Variants in ITPR2 observed in about 807,000 individuals in gnomAD.
ITPR2 encodes the protein inositol 1,4,5-trisphosphate receptor type 2, also known as inositol 1,4,5-trisphosphate-gated calcium channel ITPR2.
A neutral mutation model predicts 317.1 loss-of-function variants in ITPR2; 207 were observed. The observed-to-expected ratio is 0.65, with a 90% CI of 0.58 to 0.73. The LOEUF is 0.73. Among genes scored for constraint, ITPR2 ranks in the 30% least tolerant of loss-of-function variants. ITPR2 has a pLI of 0.00. For synonymous variants in ITPR2, 1,156 were observed against 1,149.1 expected (o/e 1.01, Z -0.12); for missense variants, 2,613 against 3,284.0 (o/e 0.80, Z 4.99).
intron 45 of ITPR2, among the ~76,000 whole-genome samples, chr12:26,457,352 C>T (rs1444766360): frequency 6.6e-6 from 1 of 152,012 alleles, no homozygotes; most frequent in African/African-American, 2.4e-5. Flanking sequence ...TAAGTAAAGA[C>T]GAAAGTGGCC....
At chr12:26,745,734 A>C (rs984572989) in intron 2 of ITPR2, among the ~76,000 whole-genome samples, 2 of 152,238 alleles carry the variant, frequency 1.3e-5, no homozygotes, top group East Asian at 1.9e-4. Flanking sequence ...ACAATTATCA[A>C]AAAGCATTTA....
intron 2 of ITPR2, among the ~76,000 whole-genome samples, chr12:26,788,821 C>A (rs765606398): frequency 1.3e-5 from 2 of 152,170 alleles, no homozygotes; most frequent in Non-Finnish European, 2.9e-5. Flanking sequence ...CTAATTCTCT[C>A]CTCATCTTTA....
intron 2 of ITPR2, 81 bp from the exon 3 acceptor site, chr12:26,725,846 A>G: frequency 3.4e-6 from 3 of 892,090 alleles, no homozygotes; most frequent in Non-Finnish European, 5.5e-6. Context: ...CAGCTTTTGA[A>G]TCTTGGAATC....
At chr12:26,726,754 T>G (rs888463671) in intron 2 of ITPR2, among the ~76,000 whole-genome samples, 1 of 152,234 alleles carries the variant, frequency 6.6e-6, no homozygotes, top group African/African-American at 2.4e-5. Flanking sequence ...TTCCACTATT[T>G]TCCTTAAAAT....
At chr12:26,550,446 C>A (rs1443211621) in intron 36 of ITPR2, 91 bp from the exon 37 acceptor site, 10 of 650,632 alleles carry the variant, frequency 1.5e-5, no homozygotes, top group East Asian at 2.9e-5. Context: ...AAAATTTACA[C>A]AATTATTTGA....
intron 5 of ITPR2, 58 bp downstream of exon 5, chr12:26,722,338 TA>T: frequency 2.1e-6 from 3 of 1,433,640 alleles, no homozygotes; most frequent in Non-Finnish European, 2.9e-6. Flanking sequence ...TTATCTTACT[TA>T]TTAGGAATCA....
At chr12:26,495,339 AT>A in intron 37 of ITPR2, 79 bp from the exon 38 acceptor site, 3 of 760,952 alleles carry the variant, frequency 3.9e-6, no homozygotes, top group Non-Finnish European at 6.5e-6. Context: ...AATGCTTTAA[AT>A]GCATTTTGTG....
In ITPR2 at chr12:26,507,813, G is replaced by T. The variant is rs566383525; in HGVS notation, c.5074-12553C>A. ...CTGATGCTGATCTAATACTCCTAAG[G>T]TGTGGAAGAATGAGTCAATGAATAT... is the stretch of plus-strand genomic sequence containing the variant. On this transcript the variant is annotated intron_variant, in intron 37 of 56. Coordinates refer to ENST00000381340, the MANE Select transcript of ITPR2 (RefSeq NM_002223.4). Among the ~76,000 whole-genome samples, 6 of 151,792 alleles carry T rather than the reference G, an allele frequency of 4.0e-5. No homozygotes were observed. The South Asian group carries it at 1.2e-3, about 32-fold the overall frequency.
At chr12:26,366,546 T>C (rs1939017444) in intron 55 of ITPR2, among the ~76,000 whole-genome samples, 1 of 152,210 alleles carries the variant, frequency 6.6e-6, no homozygotes. Flanking sequence ...ACTGTTGTTT[T>C]ATGATTTCTT....
At chr12:26,805,830 A>G (rs970352854) in intron 1 of ITPR2, among the ~76,000 whole-genome samples, 5 of 149,212 alleles carry the variant, frequency 3.4e-5, no homozygotes, top group Non-Finnish European at 7.4e-5. Context: ...GGACATCTGA[A>G]CCATTAAGGA....
At chr12:26,487,415 T>C (rs1288809259) in intron 39 of ITPR2, among the ~76,000 whole-genome samples, 164 bp from the exon 40 acceptor site, 1 of 152,222 alleles carries the variant, frequency 6.6e-6, no homozygotes, top group Non-Finnish European at 1.5e-5. Context: ...TACTATTTAA[T>C]GTGTACTAAT....
At chr12:26,818,466 G>A (rs528132745) in intron 1 of ITPR2, among the ~76,000 whole-genome samples, 3 of 152,144 alleles carry the variant, frequency 2.0e-5, no homozygotes, top group Non-Finnish European at 4.4e-5. Flanking sequence ...CTCATTCTTC[G>A]CATGGGTTTT....
chr12:26,484,031 C>T, intron 41 of ITPR2, 133 bp from the exon 42 acceptor site: 1 of 734,846 alleles, frequency 1.4e-6, no homozygotes, highest in Non-Finnish European at 2.2e-6. Flanking sequence ...AAACTGTCCT[C>T]CACTTAAGGA....
intron 23 of ITPR2, among the ~76,000 whole-genome samples, chr12:26,626,149 G>A (rs929260127): frequency 6.6e-6 from 1 of 152,098 alleles, no homozygotes; most frequent in East Asian, 1.9e-4. Flanking sequence ...TTTTTTTGTA[G>A]AGACAGGGTT....
intron 10 of ITPR2, among the ~76,000 whole-genome samples, chr12:26,690,414 T>G (rs1251155565): frequency 1.3e-5 from 2 of 152,182 alleles, no homozygotes; most frequent in Non-Finnish European, 2.9e-5. Flanking sequence ...ATGTGTCATC[T>G]AATTTCCTGA....
rs1217721119 is a variant in ITPR2 at position 26,622,138 on chromosome 12, G to T, written c.3288+102C>A. The T allele has an allele frequency of 5.0e-6, 5 of 1,002,440 alleles. No individual in the cohort carries two copies. In the African/African-American group the frequency reaches 8.2e-5, roughly 16 times the overall value. The allele number at this position is 1,002,440 out of a possible 1,614,324, so 62.1% of individuals were successfully genotyped here. On this transcript the variant is annotated intron_variant, in intron 25 of 56. Transcript: ENST00000381340. ...AAAATAGAAAGTGTCTCCAGGAAAA[G>T]CCACACAGTGTCATTACCTCTGCAG...
intron 45 of ITPR2, among the ~76,000 whole-genome samples, chr12:26,459,258 A>G (rs1941958823): frequency 1.3e-5 from 2 of 152,226 alleles, no homozygotes; most frequent in Non-Finnish European, 1.5e-5. Flanking sequence ...TCTGTGCTGT[A>G]ATGCCACCAG....
At chr12:26,813,023 A>G (rs1950783138) in intron 1 of ITPR2, among the ~76,000 whole-genome samples, 1 of 152,252 alleles carries the variant, frequency 6.6e-6, no homozygotes, top group Non-Finnish European at 1.5e-5. Flanking sequence ...GGTTGAAGAT[A>G]CTGACTTTTA....
At chr12:26,515,467 G>C (rs1264490162) in intron 37 of ITPR2, among the ~76,000 whole-genome samples, 6 of 152,034 alleles carry the variant, frequency 3.9e-5, no homozygotes, top group Non-Finnish European at 1.5e-5. Context: ...TCCAGCATGT[G>C]CATGGCTAAT....
Sources: allele counts gnomAD v4.1 joint callset (sites outside exome capture counted in the v4.1 genomes callset), GRCh38; gene constraint gnomAD v4.1.1; transcripts MANE v1.5; gene names NCBI Gene and HGNC (gene_info 2026-07-23, HGNC 2026-07-21).